GLIS1: variants seen among roughly 807,000 people sequenced by gnomAD.
The protein encoded by GLIS1 is GLIS family zinc finger 1.
Under a neutral mutation model 63.8 loss-of-function variants are expected in GLIS1, and 24 were observed. The ratio of observed to expected loss-of-function variants is 0.38; its 90% confidence interval spans 0.27 to 0.53. The LOEUF (loss-of-function observed/expected upper bound fraction) is 0.53. GLIS1 is among the 20% of genes least tolerant of loss of function. The pLI, the probability that GLIS1 is intolerant of heterozygous loss-of-function variation, is 0.85. For synonymous variants in GLIS1, 450 were observed against 482.5 expected (o/e 0.93, Z 0.88); for missense variants, 1,036 against 1,074.1 (o/e 0.96, Z 0.50).
chr1:53,578,029 A>G (rs1645050084), intron 4 of GLIS1, among the ~76,000 whole-genome samples: 2 of 151,946 alleles, frequency 1.3e-5, no homozygotes, highest in South Asian at 4.2e-4. Flanking sequence ...AGGCCCCATC[A>G]TCCCCTGAGC....
At chr1:53,591,314 G>A (rs998606534) in intron 4 of GLIS1, among the ~76,000 whole-genome samples, 1 of 152,180 alleles carries the variant, frequency 6.6e-6, no homozygotes, top group African/African-American at 2.4e-5. Context: ...GCAGGCAAGA[G>A]GAGGCCAGGG....
At chr1:53,635,195 G>A (rs1245698017) in intron 2 of GLIS1, among the ~76,000 whole-genome samples, 6 of 152,088 alleles carry the variant, frequency 3.9e-5, no homozygotes, top group Non-Finnish European at 1.5e-5. Flanking sequence ...TTGAGCAAGT[G>A]AAAGGAGGGT....
At position 53,550,796 on chromosome 1, in the gene GLIS1, C is replaced by T. The variant is rs149349829; in HGVS notation, c.1321-20844G>A. Among the ~76,000 whole-genome samples, 14 of 152,236 alleles carry T rather than the reference C, an allele frequency of 9.2e-5. No individual in the cohort carries two copies. In the South Asian group the frequency reaches 1.9e-3, roughly 20 times the overall value. ...GAGAAGTGAGGTGCTTCATCCAAGA[C>T]GAGGGGTGACAGGTTCAGACGCTCC... is the stretch of plus-strand genomic sequence containing the variant. On this transcript the variant is annotated intron_variant, in intron 4 of 10. Coordinates refer to ENST00000628545, the MANE Select transcript of GLIS1 (RefSeq NM_001367484.1).
chr1:53,684,797 C>T (rs556374301), intron 2 of GLIS1, among the ~76,000 whole-genome samples: 1 of 152,234 alleles, frequency 6.6e-6, no homozygotes, highest in Non-Finnish European at 1.5e-5. Context: ...CCCATGACCA[C>T]CTCTCAGCAG....
In GLIS1 at chr1:53,719,335, C is replaced by T. The variant is rs370713875; in HGVS notation, c.259+18471G>A. On this transcript the variant is annotated intron_variant, in intron 2 of 10. Transcript: ENST00000628545. ...CTCTTGAGTTGAGGTAAGGAAAAAG[C>T]GTTCCCTCCCTGCCCACCTGGCATG... is the stretch of plus-strand genomic sequence containing the variant. 3.2e-4 allele frequency among the ~76,000 whole-genome samples: 48 copies of T among 152,318 alleles called. No individual in the cohort carries two copies. In the South Asian group the frequency reaches 9.3e-3, roughly 30 times the overall value.
At chr1:53,667,701 A>G (rs1038092431) in intron 2 of GLIS1, among the ~76,000 whole-genome samples, 1 of 152,232 alleles carries the variant, frequency 6.6e-6, no homozygotes, top group South Asian at 2.1e-4. Flanking sequence ...TCCAAGACCA[A>G]AGCATCAGCA....
Position 53,594,712 on chromosome 1 carries a change from C to G in GLIS1, c.716G>C (p.Arg239Pro). Reference sequence around the variant, plus strand: ...GGGGGGTAGGCCCAAGACGCAGCACCGCTTCAGGCTGCCCTCGGGGAGGTG... The same window carrying G: ...GGGGGGTAGGCCCAAGACGCAGCACGGCTTCAGGCTGCCCTCGGGGAGGTG... ...ETHLPEGSLK[R>P]CCVLGLPPTS... Residue 239 changes from arginine (R) to proline (P), a missense_variant, in exon 4 of 11, where the codon CGG (arginine) becomes CCG (proline). Physicochemically the swap from Arg to Pro is moderately radical, Grantham distance 103. This residue lies in a region of GLIS1 where 592 missense variants were observed against 593.9 expected (regional missense o/e 1.00). Coordinates refer to ENST00000628545, the MANE Select transcript of GLIS1 (RefSeq NM_001367484.1). 1 of 1,559,544 alleles carries G rather than the reference C, an allele frequency of 6.4e-7. No homozygotes were observed. The highest frequency in any genetic ancestry group is 8.7e-7 in the Non-Finnish European group (1 of 1,151,492).
intron 2 of GLIS1, among the ~76,000 whole-genome samples, chr1:53,648,019 A>G (rs1246633006): frequency 1.3e-5 from 2 of 152,070 alleles, no homozygotes; most frequent in Non-Finnish European, 2.9e-5. Context: ...AAAAAAACAA[A>G]AAATTAGCCA....
chr1:53,579,685 G>A (rs897576475), intron 4 of GLIS1, among the ~76,000 whole-genome samples: 6 of 152,254 alleles, frequency 3.9e-5, no homozygotes, highest in African/African-American at 1.4e-4. Context: ...TACGCAAGCT[G>A]TGCTTGCCGC....
At chr1:53,634,118 A>G (rs1468700437) in intron 2 of GLIS1, among the ~76,000 whole-genome samples, 3 of 152,104 alleles carry the variant, frequency 2.0e-5, no homozygotes, top group Non-Finnish European at 4.4e-5. Flanking sequence ...TGGGATGGAG[A>G]CGATGGGAGA....
intron 5 of GLIS1, among the ~76,000 whole-genome samples, chr1:53,527,649 GCTGGTCCCCT>G (rs1644484747): frequency 6.6e-6 from 1 of 152,256 alleles, no homozygotes; most frequent in South Asian, 2.1e-4. Flanking sequence ...TAGGGACATG[GCTGGTCCCCT>G]CTGGAAAGCA....
At chr1:53,553,209 G>A (rs989267791) in intron 4 of GLIS1, among the ~76,000 whole-genome samples, 14 of 152,098 alleles carry the variant, frequency 9.2e-5, no homozygotes, top group African/African-American at 3.1e-4. Flanking sequence ...GCGCAGCCTC[G>A]GGGCTGGAGA....
chr1:53,618,071 G>A (rs1406559092), intron 2 of GLIS1, among the ~76,000 whole-genome samples: 5 of 152,244 alleles, frequency 3.3e-5, no homozygotes, highest in Admixed American at 6.5e-5. Flanking sequence ...AGGTGGGAGA[G>A]TGCAGGGCTG....
At chr1:53,667,818 C>A (rs990202416) in intron 2 of GLIS1, among the ~76,000 whole-genome samples, 1 of 152,186 alleles carries the variant, frequency 6.6e-6, no homozygotes, top group Non-Finnish European at 1.5e-5. Context: ...GTGCGTAGAC[C>A]TCATGGCCTA....
chr1:53,734,430 C>G (rs2100581448), intron 2 of GLIS1, among the ~76,000 whole-genome samples: 1 of 152,288 alleles, frequency 6.6e-6, no homozygotes, highest in Middle Eastern at 3.4e-3. Context: ...CGTGTGAATG[C>G]CAGCTCTCGG....
At chr1:53,717,915 C>CA (rs1177239343) in intron 2 of GLIS1, among the ~76,000 whole-genome samples, 1 of 152,208 alleles carries the variant, frequency 6.6e-6, no homozygotes, top group Non-Finnish European at 1.5e-5. Context: ...GCCTCCCATG[C>CA]AGGCACATGA....
intron 2 of GLIS1, among the ~76,000 whole-genome samples, chr1:53,612,270 C>T (rs1297206376): frequency 6.6e-6 from 1 of 152,100 alleles, no homozygotes; most frequent in Non-Finnish European, 1.5e-5. Flanking sequence ...GATGGAGTCT[C>T]GCTCTGTCAC....
intron 2 of GLIS1, among the ~76,000 whole-genome samples, chr1:53,629,863 A>C (rs930279613): frequency 6.6e-6 from 1 of 152,210 alleles, no homozygotes; most frequent in Admixed American, 6.5e-5. Flanking sequence ...GCAGGCCTTG[A>C]GAAGGCCACC....
intron 4 of GLIS1, among the ~76,000 whole-genome samples, chr1:53,531,118 T>A (rs770332101): frequency 2.6e-5 from 4 of 152,210 alleles, no homozygotes; most frequent in Non-Finnish European, 4.4e-5. Context: ...AAAGGCCAGG[T>A]GGCTCTGCTA....
Sources: gnomAD v4.1 joint callset for allele counts (sites outside exome capture counted in the v4.1 genomes callset) on GRCh38, gnomAD v4.1.1 for gene constraint, gnomAD v4.1.1 regional missense constraint, MANE v1.5 for transcripts, NCBI Gene and HGNC (gene_info 2026-07-23, HGNC 2026-07-21) for gene names.